KLRG1: variants seen among roughly 807,000 people sequenced by gnomAD.
The protein encoded by KLRG1 is killer cell lectin like receptor G1.
A neutral mutation model predicts 21.8 loss-of-function variants in KLRG1; 16 were observed. The ratio of observed to expected loss-of-function variants is 0.73; its 90% CI spans 0.50 to 1.11. KLRG1 has a LOEUF of 1.11. Ranked by LOEUF, KLRG1 falls within the 50% of genes most tolerant of loss-of-function variation. The probability of loss-of-function intolerance (pLI) is 0.00; values close to 1 mark genes in which losing one functional copy is unlikely to be tolerated. For synonymous variants in KLRG1, 69 were observed against 75.9 expected, an observed-to-expected ratio of 0.91 and a Z score of 0.47; for missense variants, 173 against 218.3, an observed-to-expected ratio of 0.79 and a Z score of 1.31.
chr12:9,135,500 TACAAATGGTAG>T, the KLRG1 span: 1 of 361,188 alleles, frequency 2.8e-6, no homozygotes, highest in Non-Finnish European at 5.3e-6. Context: ...AGCACCGACA[TACAAATGGTAG>T]ACAGCTGAAT....
At chr12:9,021,264 C>A in the KLRG1 span, among the ~76,000 whole-genome samples, 1 of 152,078 alleles carries the variant, frequency 6.6e-6, no homozygotes, top group African/African-American at 2.4e-5. Context: ...AGGCCTAGGG[C>A]ATTACTCCAC....
At chr12:9,152,867 C>T in the KLRG1 span, 5 of 1,613,928 alleles carry the variant, frequency 3.1e-6, no homozygotes, top group African/African-American at 1.3e-5. Context: ...GCTTTGTGTC[C>T]ATCGCAAGTT....
chr12:9,109,956 G>C, the KLRG1 span: 1 of 1,613,928 alleles, frequency 6.2e-7, no homozygotes, highest in Non-Finnish European at 8.5e-7. Flanking sequence ...GGGCTCTGAT[G>C]AGAGGGGAAA....
the KLRG1 span, chr12:9,099,260 G>T: frequency 1.1e-6 from 1 of 910,652 alleles, no homozygotes; most frequent in South Asian, 1.7e-5. Context: ...CTACCTTGCT[G>T]AATGTCTCTG....
chr12:9,065,588 C>T, the KLRG1 span, among the ~76,000 whole-genome samples: 1 of 152,212 alleles, frequency 6.6e-6, no homozygotes, highest in East Asian at 1.9e-4. Flanking sequence ...GGTCTGAAGA[C>T]AGCTGGACAC....
the KLRG1 span, among the ~76,000 whole-genome samples, chr12:9,145,108 G>GT: frequency 4.6e-5 from 7 of 152,058 alleles, no homozygotes; most frequent in African/African-American, 1.7e-4. Flanking sequence ...ATTTGGGTCT[G>GT]TTTTTTTAAC....
chr12:9,152,907 T>C, the KLRG1 span: 1 of 1,614,144 alleles, frequency 6.2e-7, no homozygotes, highest in Non-Finnish European at 8.5e-7. Context: ...TTAAAGCAAA[T>C]GGGGAGTCCT....
the KLRG1 span, chr12:9,157,311 C>T: frequency 6.2e-7 from 1 of 1,614,038 alleles, no homozygotes. Context: ...TTGCTACATT[C>T]CAGGCTGACT....
At chr12:8,987,414 C>CTGCA (rs1282041946), upstream of KLRG1, 1 of 152,230 alleles carries the variant, frequency 6.6e-6, no homozygotes, top group Non-Finnish European at 1.5e-5. Flanking sequence ...AGTGAGAAGT[C>CTGCA]TGCAACCCAC....
the KLRG1 span, among the ~76,000 whole-genome samples, chr12:9,147,825 T>C: frequency 1.2e-4 from 19 of 152,346 alleles, no homozygotes; most frequent in South Asian, 1.0e-3. Flanking sequence ...AAATATCTTA[T>C]AGCCTTCTCC....
Position 8,968,326 on chromosome 12 carries a change from T to C in KLRG1, c.-156+18090T>C, listed in dbSNP as rs1360298206. Reference sequence around the variant, plus strand: ...GCCTATCTTAATCAGACAAAGTAGATTTCAGAACAAGAAATATTACTAAGC... The same window carrying C: ...GCCTATCTTAATCAGACAAAGTAGACTTCAGAACAAGAAATATTACTAAGC... On this transcript the variant is annotated intron_variant, in intron 1 of 4. Coordinates refer to the KLRG1 transcript ENST00000539240. Among the ~76,000 whole-genome samples the C allele has an allele frequency of 2.0e-5, 3 of 152,208 alleles. 1 individual carries two copies. The highest frequency in any genetic ancestry group is 1.5e-5 in the Non-Finnish European group (1 of 67,990).
At chr12:9,168,947 A>T in the KLRG1 span, 1 of 1,613,940 alleles carries the variant, frequency 6.2e-7, no homozygotes, top group Non-Finnish European at 8.5e-7. Context: ...CGGATTTTTG[A>T]GTTAGTGAAC....
chr12:9,107,802 G>A, the KLRG1 span, among the ~76,000 whole-genome samples: 1 of 152,010 alleles, frequency 6.6e-6, no homozygotes, highest in Non-Finnish European at 1.5e-5. Context: ...AGTCACTAAT[G>A]GCTCTTATAG....
chr12:9,182,247 GTCTC>G, the KLRG1 span: 2 of 794,556 alleles, frequency 2.5e-6, no homozygotes, highest in Non-Finnish European at 3.6e-6. Context: ...TAATGGCTTA[GTCTC>G]TCTATGTGCC....
the KLRG1 span, among the ~76,000 whole-genome samples, chr12:9,127,407 C>T: frequency 6.6e-6 from 1 of 152,302 alleles, no homozygotes; most frequent in Admixed American, 6.5e-5. Flanking sequence ...TGGGTCCCCT[C>T]ATAGCACAAA....
At chr12:8,963,722 T>C (rs1285332999) in intron 1 of KLRG1, among the ~76,000 whole-genome samples, 2 of 152,206 alleles carry the variant, frequency 1.3e-5, no homozygotes, top group South Asian at 4.1e-4. Flanking sequence ...AGCCTGTTAT[T>C]GGTCTATTCA....
the KLRG1 span, chr12:9,070,345 G>A: frequency 1.6e-6 from 1 of 644,846 alleles, no homozygotes; most frequent in South Asian, 2.0e-5. Flanking sequence ...ACAAACACAT[G>A]TGATTATATT....
chr12:9,083,470 C>A, the KLRG1 span, among the ~76,000 whole-genome samples: 1 of 150,490 alleles, frequency 6.6e-6, no homozygotes, highest in African/African-American at 2.4e-5. Context: ...CAAAAAGAAA[C>A]CAAATAGAAA....
chr12:9,112,236 G>A, the KLRG1 span: 40 of 1,613,526 alleles, frequency 2.5e-5, no homozygotes, highest in Non-Finnish European at 4.2e-6. Context: ...TTTTTCATGA[G>A]CCCCCAAACC....
Sources: gnomAD v4.1 joint callset for allele counts (sites outside exome capture counted in the v4.1 genomes callset) on GRCh38, gnomAD v4.1.1 for gene constraint, MANE v1.5 for transcripts, NCBI Gene and HGNC (gene_info 2026-07-23, HGNC 2026-07-21) for gene names.